FIG4: variants seen among roughly 807,000 people sequenced by gnomAD.
FIG4 encodes FIG4 phosphoinositide 5-phosphatase.
A neutral mutation model predicts 118.6 loss-of-function variants in FIG4; 112 were observed. The ratio of observed to expected loss-of-function variants is 0.94; its 90% CI spans 0.81 to 1.11. The LOEUF (loss-of-function observed/expected upper bound fraction) is 1.11, where lower values mean the gene tolerates loss of function less well. Among genes scored for constraint, FIG4 ranks in the 50% least tolerant of loss-of-function variants. FIG4 has a pLI of 0.00. For synonymous variants in FIG4, 369 were observed against 381.2 expected, an observed-to-expected ratio of 0.97 and a Z score of 0.37; for missense variants, 969 against 1,111.7, an observed-to-expected ratio of 0.87 and a Z score of 1.83.
chr6:109,732,614 G>A (rs768946668), intron 4 of FIG4, 23 bp from the exon 5 acceptor site: 12 of 1,071,492 alleles, frequency 1.1e-5, no homozygotes, highest in African/African-American at 6.9e-5. Context: ...CAAATGAAAT[G>A]TACTTTGTTT....
chr6:109,752,821 T>A (rs1045756340), intron 10 of FIG4, among the ~76,000 whole-genome samples: 1 of 152,220 alleles, frequency 6.6e-6, no homozygotes, highest in Non-Finnish European at 1.5e-5. Context: ...TTTCTTTTGC[T>A]GTGCAGAAGC....
chr6:109,741,848 A>G (rs980740731), intron 8 of FIG4, among the ~76,000 whole-genome samples: 1 of 152,128 alleles, frequency 6.6e-6, no homozygotes. Context: ...TGTAAATGCT[A>G]TGCAAATAGT....
Position 109,791,306 on chromosome 6 carries a change from C to G in FIG4, c.2181-70C>G, listed in dbSNP as rs1778127897. 2.3e-6 allele frequency: 3 copies of G among 1,320,744 alleles called. No homozygotes were observed. In the South Asian group the frequency reaches 3.5e-5, roughly 16 times the overall value. The allele number at this position is 1,320,744 out of a possible 1,614,324, so 81.8% of individuals were successfully genotyped here. On this transcript the variant is annotated intron_variant, in intron 19 of 22. Coordinates refer to ENST00000230124, the MANE Select transcript of FIG4 (RefSeq NM_014845.6). The stretch of plus-strand genomic sequence containing the variant: ...CTTCACTAGGCCTAAGGCTTTGGGA[C>G]AGAGTGATAGACAGTGGGTGTTGAG...
intron 1 of FIG4, among the ~76,000 whole-genome samples, chr6:109,707,376 T>C (rs544204611): frequency 2.2e-4 from 33 of 147,860 alleles, no homozygotes; most frequent in South Asian, 8.4e-4. Flanking sequence ...TATATATATA[T>C]ACATATATAC....
chr6:109,715,455 T>C lies in FIG4; in HGVS notation c.165+279T>C, dbSNP rs541440172. Among the ~76,000 whole-genome samples, 3 of 152,278 alleles carry C rather than the reference T, an allele frequency of 2.0e-5. No homozygotes were observed. In the East Asian group the frequency reaches 5.8e-4, roughly 29 times the overall value. On this transcript the variant is annotated intron_variant, in intron 2 of 22. Transcript: ENST00000230124. ...ATGAGTATTGTTTCTTAAAGAGGGC[T>C]GACATTTTAAGGATTCAGTGTAACT...
At chr6:109,776,287 ATAGT>A (rs1172702476) in intron 15 of FIG4, among the ~76,000 whole-genome samples, 2 of 152,216 alleles carry the variant, frequency 1.3e-5, no homozygotes, top group African/African-American at 4.8e-5. Flanking sequence ...GAATGCTTGA[ATAGT>A]TAGAATGAGG....
At chr6:109,749,085 G>T (rs1010696827) in intron 10 of FIG4, among the ~76,000 whole-genome samples, 1 of 149,610 alleles carries the variant, frequency 6.7e-6, no homozygotes, top group Non-Finnish European at 1.5e-5. Flanking sequence ...GTGTGTGTGT[G>T]TGTGTGTGTG....
At chr6:109,771,814 C>G (rs575715386) in intron 15 of FIG4, among the ~76,000 whole-genome samples, 1 of 152,246 alleles carries the variant, frequency 6.6e-6, no homozygotes, top group South Asian at 2.1e-4. Context: ...TTCTTTGAAT[C>G]CCATGCCTTC....
intron 10 of FIG4, 26 bp downstream of exon 10, chr6:109,743,798 A>G (rs1002779017): frequency 3.2e-6 from 5 of 1,539,926 alleles, no homozygotes; most frequent in African/African-American, 1.4e-5. Flanking sequence ...CTGTTTGGTT[A>G]TGAGATTCAG....
At chr6:109,774,656 A>G (rs532199655) in intron 15 of FIG4, among the ~76,000 whole-genome samples, 13 of 152,232 alleles carry the variant, frequency 8.5e-5, no homozygotes, top group African/African-American at 2.9e-4. Context: ...AGAAAATGGT[A>G]TGTTGTTCTA....
chr6:109,742,823 C>A (rs1297823763), intron 8 of FIG4, among the ~76,000 whole-genome samples: 3 of 151,990 alleles, frequency 2.0e-5, no homozygotes, highest in Admixed American at 1.3e-4. Context: ...TCCCTCTCTC[C>A]CATTTATTTA....
At chr6:109,791,755 T>C (rs1778145077) in intron 20 of FIG4, among the ~76,000 whole-genome samples, 184 bp downstream of exon 20, 1 of 152,240 alleles carries the variant, frequency 6.6e-6, no homozygotes, top group African/African-American at 2.4e-5. Flanking sequence ...CAAAATAAAA[T>C]TGGTGTTTTT....
chr6:109,729,176 T>C (rs1390636427), intron 4 of FIG4, among the ~76,000 whole-genome samples: 2 of 152,202 alleles, frequency 1.3e-5, no homozygotes, highest in African/African-American at 2.4e-5. Flanking sequence ...TTGTTACCAA[T>C]GTTAGAAAAT....
At chr6:109,791,331 G>A (rs1474121338) in intron 19 of FIG4, 45 bp from the exon 20 acceptor site, 7 of 1,516,646 alleles carry the variant, frequency 4.6e-6, no homozygotes, top group Non-Finnish European at 6.4e-6. Flanking sequence ...TGGGTGTTGA[G>A]GGTTAGTTTA....
chr6:109,778,204 T>C (rs1035146759), intron 16 of FIG4, among the ~76,000 whole-genome samples: 1 of 151,876 alleles, frequency 6.6e-6, no homozygotes, highest in Admixed American at 6.6e-5. Context: ...CTCATGCCTG[T>C]AATCCCAACA....
chr6:109,780,083 C>A (rs1777752747), intron 16 of FIG4, among the ~76,000 whole-genome samples: 1 of 152,214 alleles, frequency 6.6e-6, no homozygotes, highest in African/African-American at 2.4e-5. Flanking sequence ...AGTCACTTAA[C>A]TGGTCTCATT....
chr6:109,810,708 A>G (rs1367884052), intron 22 of FIG4, among the ~76,000 whole-genome samples: 2 of 152,202 alleles, frequency 1.3e-5, no homozygotes, highest in Admixed American at 6.5e-5. Flanking sequence ...CCCTCAGCAA[A>G]GAGTCCTTGC....
At chr6:109,758,890 A>G (rs973169481) in intron 10 of FIG4, among the ~76,000 whole-genome samples, 1 of 152,250 alleles carries the variant, frequency 6.6e-6, no homozygotes, top group Non-Finnish European at 1.5e-5. Flanking sequence ...ATGCAAATCA[A>G]AACCACAATG....
intron 19 of FIG4, 49 bp from the exon 20 acceptor site, chr6:109,791,327 T>A (rs1374388156): frequency 6.7e-7 from 1 of 1,487,408 alleles, no homozygotes; most frequent in African/African-American, 1.4e-5. Flanking sequence ...ACAGTGGGTG[T>A]TGAGGGTTAG....
Sources: gnomAD v4.1 joint callset for allele counts (sites outside exome capture counted in the v4.1 genomes callset) on GRCh38, gnomAD v4.1.1 for gene constraint, MANE v1.5 for transcripts, NCBI Gene and HGNC (gene_info 2026-07-23, HGNC 2026-07-21) for gene names.